The following CRACD variants were observed in gnomAD, a reference collection of about 807,000 sequenced individuals.
CRACD encodes capping protein inhibiting regulator of actin dynamics, also known as capping protein-inhibiting regulator of actin dynamics.
CRACD carries 56 observed loss-of-function variants against 106.8 expected under a neutral mutation model. The observed-to-expected ratio is 0.52, with a 90% confidence interval of 0.42 to 0.66. The LOEUF (loss-of-function observed/expected upper bound fraction) is 0.66. CRACD is among the 30% of genes least tolerant of loss of function. CRACD has a pLI of 0.00. For missense variants in CRACD, 1,730 were observed against 1,623.2 expected (o/e 1.07, Z -1.13); for synonymous variants, 754 against 670.8 (o/e 1.12, Z -1.92).
intron 1 of CRACD, among the ~76,000 whole-genome samples, chr4:56,117,088 T>G (rs1734319591): frequency 1.3e-5 from 2 of 150,060 alleles, no homozygotes; most frequent in South Asian, 4.2e-4. Flanking sequence ...TGGCACGATC[T>G]CTGCTCACTG....
At chr4:56,193,174 C>T (rs549047333) in intron 2 of CRACD, among the ~76,000 whole-genome samples, 2 of 152,288 alleles carry the variant, frequency 1.3e-5, no homozygotes, top group South Asian at 4.1e-4. Flanking sequence ...AGTCACTCCC[C>T]TGTATAAAAC....
chr4:56,115,229 C>T (rs998485389), intron 1 of CRACD, among the ~76,000 whole-genome samples: 8 of 152,172 alleles, frequency 5.3e-5, no homozygotes, highest in African/African-American at 9.7e-5. Context: ...AGTTACCTCA[C>T]GACCAAATTG....
rs60416477 is a variant in CRACD, at chr4:56,255,133, A to AAAAT, written c.-188-17187_-188-17186insAATA. On this transcript the variant is annotated intron_variant, in intron 2 of 10. Transcript: ENST00000682029. ...CATCTCAAAAAAAAAAAAAAAAAAAAACTAAAAATTGGCCAATGAAATCAT... is the reference window on the plus strand; with the variant it reads ...CATCTCAAAAAAAAAAAAAAAAAAAAAAATACTAAAAATTGGCCAATGAAATCAT... Among the ~76,000 whole-genome samples, 263 of 138,808 alleles carry AAAAT rather than the reference A, an allele frequency of 1.9e-3. 7 individuals are homozygous for AAAAT. The highest frequency in any genetic ancestry group is 0.01 in the East Asian group (44 of 4,384). The allele number at this position is 138,808 out of a possible 152,430, so 91.1% of individuals were successfully genotyped here.
At chr4:56,324,083 T>A in intron 9 of CRACD, 21 bp from the exon 10 acceptor site, 1 of 1,589,980 alleles carries the variant, frequency 6.3e-7, no homozygotes, top group Non-Finnish European at 8.6e-7. Flanking sequence ...ATGTTTCCCA[T>A]GACTGTCTCT....
In CRACD at chr4:56,329,320, C is replaced by A. The variant is rs1186794572; in HGVS notation, c.*1516C>A. 6.6e-6 allele frequency among the ~76,000 whole-genome samples: 1 copy of A among 152,166 alleles called. No homozygotes were observed. Among genetic ancestry groups the A allele is most frequent in the Non-Finnish European group, 1.5e-5 (1 of 68,020 alleles). On this transcript the variant is annotated 3_prime_UTR_variant, in exon 11 of 11. Transcript: ENST00000682029. ...TGCAGAGGGAATTACATCCTTTTTC[C>A]TCTCCTACAAAAACATGCTTTATTA...
intron 1 of CRACD, among the ~76,000 whole-genome samples, chr4:56,054,309 T>C (rs1169662320): frequency 6.6e-6 from 1 of 152,142 alleles, no homozygotes; most frequent in African/African-American, 2.4e-5. Flanking sequence ...GCCTCCTGAA[T>C]AGCTGGGACC....
intron 2 of CRACD, among the ~76,000 whole-genome samples, chr4:56,199,156 C>T: frequency 6.6e-6 from 1 of 152,124 alleles, no homozygotes; most frequent in South Asian, 2.1e-4. Flanking sequence ...CTGAGTTACA[C>T]TGCCGTGGAA....
intron 1 of CRACD, among the ~76,000 whole-genome samples, chr4:56,126,620 G>A (rs1734668134): frequency 6.6e-6 from 1 of 152,124 alleles, no homozygotes; most frequent in Non-Finnish European, 1.5e-5. Flanking sequence ...TTAACCAGTA[G>A]TTCTTTACTA....
rs73160496 is a variant in CRACD, at chr4:56,231,240, A to T, written c.-188-41081A>T. On this transcript the variant is annotated intron_variant, in intron 2 of 10. Transcript: ENST00000682029. ...CTTTCTGTTTAACCCTAGAATATAGATTTTTTTCTAAGTGTCCCAAGAGAA... is the reference window on the plus strand; with the variant it reads ...CTTTCTGTTTAACCCTAGAATATAGTTTTTTTTCTAAGTGTCCCAAGAGAA... Among the ~76,000 whole-genome samples the T allele has an allele frequency of 3.4e-3, 523 of 152,216 alleles. 2 individuals are homozygous for T. The highest frequency in any genetic ancestry group is 0.012 in the African/African-American group (502 of 41,522).
intron 1 of CRACD, among the ~76,000 whole-genome samples, chr4:56,166,786 A>T (rs753070196): frequency 6.6e-6 from 1 of 151,998 alleles, no homozygotes; most frequent in Non-Finnish European, 1.5e-5. Context: ...AGCTGTAAAA[A>T]TTTTTTTTAA....
intron 2 of CRACD, among the ~76,000 whole-genome samples, chr4:56,239,435 G>T (rs1161805706): frequency 1.3e-5 from 2 of 151,940 alleles, no homozygotes; most frequent in African/African-American, 2.4e-5. Context: ...TGTGAAGTGG[G>T]TGTCATCATG....
Position 56,180,266 on chromosome 4 carries a change from C to T in CRACD, c.-189+836C>T, listed in dbSNP as rs565674251. On this transcript the variant is annotated intron_variant, in intron 2 of 10. Transcript: ENST00000682029. ...CAGCACTTTGGGAGGCCGAGGTGGG[C>T]GAATCACAAGGTCAGGAGTTCAAGA... Among the ~76,000 whole-genome samples the T allele has an allele frequency of 3.3e-5, 5 of 151,924 alleles. No homozygotes were observed. The East Asian group carries it at 7.8e-4, about 24-fold the overall frequency.
chr4:56,318,237 C>T (rs947639445), intron 8 of CRACD, among the ~76,000 whole-genome samples: 2 of 152,048 alleles, frequency 1.3e-5, no homozygotes, highest in Admixed American at 6.5e-5. Flanking sequence ...GATCATGCAT[C>T]CCTCCTGCCT....
At chr4:56,114,321 G>A (rs1489740785) in intron 1 of CRACD, among the ~76,000 whole-genome samples, 9 of 151,854 alleles carry the variant, frequency 5.9e-5, no homozygotes, top group Non-Finnish European at 1.3e-4. Context: ...CAAGAAAAAG[G>A]GAAAGAAAGG....
At chr4:56,171,850 G>A (rs962197035) in intron 1 of CRACD, among the ~76,000 whole-genome samples, 3 of 152,006 alleles carry the variant, frequency 2.0e-5, no homozygotes, top group African/African-American at 7.3e-5. Context: ...ATGTGCTCAT[G>A]GTTTCAGATT....
intron 1 of CRACD, among the ~76,000 whole-genome samples, chr4:56,141,886 G>A (rs998486774): frequency 1.3e-5 from 2 of 151,472 alleles, no homozygotes; most frequent in African/African-American, 4.9e-5. Context: ...AGAGATGGGA[G>A]TCTCACTGTG....
intron 8 of CRACD, among the ~76,000 whole-genome samples, chr4:56,322,777 A>G (rs1746184524): frequency 6.6e-6 from 1 of 152,230 alleles, no homozygotes; most frequent in East Asian, 1.9e-4. Flanking sequence ...GCCTCTAATC[A>G]TAGCACCTTG....
intron 1 of CRACD, among the ~76,000 whole-genome samples, chr4:56,165,292 C>T (rs1736101846): frequency 1.3e-5 from 2 of 152,188 alleles, no homozygotes; most frequent in African/African-American, 4.8e-5. Context: ...ACTGACGTAG[C>T]AGCAACAGAC....
At chr4:56,125,510 C>G (rs565789537) in intron 1 of CRACD, among the ~76,000 whole-genome samples, 3 of 152,182 alleles carry the variant, frequency 2.0e-5, no homozygotes, top group East Asian at 3.9e-4. Flanking sequence ...CCTCAACCTC[C>G]TGGGCTCTAG....
Sources: allele counts gnomAD v4.1 joint callset (sites outside exome capture counted in the v4.1 genomes callset), GRCh38; gene constraint gnomAD v4.1.1; transcripts MANE v1.5; gene names NCBI Gene and HGNC (gene_info 2026-07-23, HGNC 2026-07-21).